The following CCSER1 variants were observed in gnomAD, a reference collection of about 807,000 sequenced individuals.
CCSER1 encodes coiled-coil serine rich protein 1.
Under a neutral mutation model 82.0 loss-of-function variants are expected in CCSER1, and 41 were observed. The observed-to-expected ratio is 0.50, with a 90% confidence interval of 0.39 to 0.65. CCSER1 has a LOEUF of 0.65. CCSER1 is among the 30% of genes least tolerant of loss of function. CCSER1 has a pLI of 0.00. For synonymous variants in CCSER1, 414 were observed against 383.9 expected (o/e 1.08, Z -0.92); for missense variants, 1,119 against 1,064.2 (o/e 1.05, Z -0.72).
chr4:91,206,984 G>A lies in CCSER1; in HGVS notation c.2217+120990G>A, dbSNP rs148374906. On this transcript the variant is annotated intron_variant, in intron 10 of 10. Coordinates refer to ENST00000509176, the MANE Select transcript of CCSER1 (RefSeq NM_001145065.2). The stretch of plus-strand genomic sequence containing the variant: ...TGTAAGAAATTCTGGTCATTCAGCT[G>A]TCTCTGTCCAGAAAGGAAAATTAGG... Among the ~76,000 whole-genome samples, 602 of 151,892 alleles carry A rather than the reference G, an allele frequency of 4.0e-3. 10 individuals are homozygous for A. Among genetic ancestry groups the A allele is most frequent in the South Asian group, 0.024 (117 of 4,826 alleles).
intron 10 of CCSER1, among the ~76,000 whole-genome samples, chr4:91,287,793 G>A (rs559537685): frequency 6.6e-6 from 1 of 151,922 alleles, no homozygotes; most frequent in South Asian, 2.1e-4. Context: ...ACAGGAAGAG[G>A]CTAAGCTAAT....
intron 8 of CCSER1, among the ~76,000 whole-genome samples, chr4:90,834,598 T>A (rs1386292027): frequency 2.0e-5 from 3 of 152,224 alleles, no homozygotes; most frequent in Non-Finnish European, 4.4e-5. Flanking sequence ...TATTAAATCT[T>A]ATAGTATCAA....
intron 10 of CCSER1, among the ~76,000 whole-genome samples, chr4:91,464,158 A>G (rs1348605144): frequency 4.6e-5 from 7 of 152,334 alleles, no homozygotes; most frequent in South Asian, 4.1e-4. Context: ...CGGATCTCTC[A>G]GCAGAAACTC....
chr4:90,255,900 T>A (rs1011239034), intron 1 of CCSER1, among the ~76,000 whole-genome samples: 5 of 152,160 alleles, frequency 3.3e-5, no homozygotes, highest in African/African-American at 1.2e-4. Flanking sequence ...TCATTCACTT[T>A]ATAGATGAGG....
At chr4:90,168,515 ATTGCTTTTGGTGTTTTAGACATGAAGTCC>A (rs1312383668) in intron 1 of CCSER1, among the ~76,000 whole-genome samples, 8 of 152,054 alleles carry the variant, frequency 5.3e-5, no homozygotes, top group Non-Finnish European at 8.8e-5. Context: ...TTTTGTTACC[ATTGCTTTTGGTGTTTTAGACATGAAGTCC>A]TTGCCCATGC....
At chr4:90,988,334 CAAAAAAAAA>C (rs60408059) in intron 9 of CCSER1, among the ~76,000 whole-genome samples, 8 of 75,386 alleles carry the variant, frequency 1.1e-4, no homozygotes, top group Non-Finnish European at 1.4e-4. Flanking sequence ...TATCTTGTCT[CAAAAAAAAA>C]AAAAAAAAAA....
chr4:90,715,186 G>C (rs1056174132), intron 6 of CCSER1, among the ~76,000 whole-genome samples: 1 of 151,912 alleles, frequency 6.6e-6, no homozygotes. Flanking sequence ...GCTAAGTTTA[G>C]TTTCCATTAT....
At chr4:90,399,935 CT>C in intron 3 of CCSER1, 100 bp from the exon 4 acceptor site, 1 of 569,144 alleles carries the variant, frequency 1.8e-6, no homozygotes, top group Non-Finnish European at 3.1e-6. Context: ...ACTTTTCATT[CT>C]GATTTGGAAT....
At chr4:90,547,603 C>CA (rs1381351990) in intron 5 of CCSER1, among the ~76,000 whole-genome samples, 9 of 152,008 alleles carry the variant, frequency 5.9e-5, no homozygotes, top group Admixed American at 5.9e-4. Context: ...CTTATCCTTT[C>CA]AAAAACTTTA....
rs67308500 is a variant in CCSER1 at position 90,187,358 on chromosome 4, ATTT to A, written c.-42+59543_-42+59545del. Among the ~76,000 whole-genome samples, 344 of 130,416 alleles carry A rather than the reference ATTT, an allele frequency of 2.6e-3. 1 individual carries two copies. The highest frequency in any genetic ancestry group is 6.8e-3 in the African/African-American group (246 of 35,958). 85.6% of individuals were successfully genotyped at this position (130,416 alleles called of 152,430 possible). A position where few individuals can be genotyped will look rare whatever the true frequency, so the allele number is the denominator to read the frequency against. ...GTAGATTTGATAAAATACAGTAGCT[ATTT>A]TTTTTTTTTTTTTTTGGCCACCGTT... On this transcript the variant is annotated intron_variant, in intron 1 of 10. Transcript: ENST00000509176.
chr4:90,341,416 ATTT>A (rs1561059425), intron 3 of CCSER1, among the ~76,000 whole-genome samples: 3 of 152,094 alleles, frequency 2.0e-5, no homozygotes, highest in African/African-American at 7.2e-5. Flanking sequence ...CAGCAAATGA[ATTT>A]TTACTCTCGA....
At chr4:91,378,991 T>C (rs1014558464) in intron 10 of CCSER1, among the ~76,000 whole-genome samples, 2 of 152,206 alleles carry the variant, frequency 1.3e-5, no homozygotes, top group South Asian at 2.1e-4. Context: ...AGGCCTTTTC[T>C]GCATCTATTG....
chr4:91,381,636 G>T (rs1750903420), intron 10 of CCSER1, among the ~76,000 whole-genome samples: 1 of 152,098 alleles, frequency 6.6e-6, no homozygotes, highest in Non-Finnish European at 1.5e-5. Context: ...ATTCTAGTTA[G>T]CCATTCGTCT....
At chr4:91,376,216 T>G (rs1418924602) in intron 10 of CCSER1, among the ~76,000 whole-genome samples, 1 of 152,170 alleles carries the variant, frequency 6.6e-6, no homozygotes, top group Non-Finnish European at 1.5e-5. Flanking sequence ...ATGACAGAGA[T>G]ACGTTCTAAG....
At chr4:91,174,594 A>C in intron 10 of CCSER1, among the ~76,000 whole-genome samples, 1 of 152,110 alleles carries the variant, frequency 6.6e-6, no homozygotes, top group East Asian at 1.9e-4. Context: ...GTATTTGGAC[A>C]AACATTTTTA....
chr4:90,425,911 T>G (rs1421632694), intron 4 of CCSER1, among the ~76,000 whole-genome samples: 1 of 151,194 alleles, frequency 6.6e-6, no homozygotes, highest in Admixed American at 6.6e-5. Flanking sequence ...TAATGGAAGA[T>G]TCTATTTTTT....
chr4:90,232,811 A>G (rs1744888478), intron 1 of CCSER1, among the ~76,000 whole-genome samples: 1 of 151,550 alleles, frequency 6.6e-6, no homozygotes, highest in Non-Finnish European at 1.5e-5. Flanking sequence ...AAAGTGGGTG[A>G]AGGACATGAA....
At chr4:90,383,831 A>G (rs1003951550) in intron 3 of CCSER1, among the ~76,000 whole-genome samples, 4 of 152,008 alleles carry the variant, frequency 2.6e-5, no homozygotes, top group Non-Finnish European at 5.9e-5. Flanking sequence ...TTCTGGACTC[A>G]ATCATTCCTG....
At chr4:90,217,360 C>G (rs1267271158) in intron 1 of CCSER1, among the ~76,000 whole-genome samples, 2 of 151,996 alleles carry the variant, frequency 1.3e-5, no homozygotes, top group African/African-American at 4.8e-5. Context: ...CCATGCCTGG[C>G]TAATTTTTGT....
Sources: gnomAD v4.1 joint callset for allele counts (sites outside exome capture counted in the v4.1 genomes callset) on GRCh38, gnomAD v4.1.1 for gene constraint, MANE v1.5 for transcripts, NCBI Gene and HGNC (gene_info 2026-07-23, HGNC 2026-07-21) for gene names.